PTBP2: variants seen among roughly 807,000 people sequenced by gnomAD.
PTBP2 encodes polypyrimidine tract binding protein 2.
A neutral mutation model predicts 61.4 loss-of-function variants in PTBP2; 13 were observed. The observed-to-expected ratio is 0.21, with a 90% CI of 0.14 to 0.34. The LOEUF is 0.34. Among genes scored for constraint, PTBP2 ranks in the 10% least tolerant of loss-of-function variants. The pLI, the probability that PTBP2 is intolerant of heterozygous loss-of-function variation, is 1.00. For synonymous variants in PTBP2, 215 were observed against 218.5 expected, an observed-to-expected ratio of 0.98 and a Z score of 0.14; for missense variants, 405 against 642.6, an observed-to-expected ratio of 0.63 and a Z score of 4.00.
chr1:96,799,452 C>T (rs1021338276), intron 8 of PTBP2, among the ~76,000 whole-genome samples: 3 of 152,010 alleles, frequency 2.0e-5, no homozygotes, highest in Admixed American at 6.5e-5. Context: ...CCTGCCACCA[C>T]GCCCAGCTAA....
rs878866580 is a variant in PTBP2 at position 96,777,477 on chromosome 1, G to A, written c.433-108G>A. The A allele has an allele frequency of 4.3e-6, 4 of 939,066 alleles. No individual in the cohort carries two copies. The South Asian group carries it at 1.1e-4, about 26-fold the overall frequency. 58.2% of individuals were successfully genotyped at this position (939,066 alleles called of 1,614,324 possible). Reference sequence around the variant, plus strand: ...ATCTGTTGAGGGGCCATTTAATTTTGTTTAATCTGTGTAAGTTCTAGGAAC... The same window carrying A: ...ATCTGTTGAGGGGCCATTTAATTTTATTTAATCTGTGTAAGTTCTAGGAAC... On this transcript the variant is annotated intron_variant, in intron 5 of 13. Coordinates refer to ENST00000674951, the MANE Select transcript of PTBP2 (RefSeq NM_021190.4).
At chr1:96,733,130 C>T (rs1398757927) in intron 2 of PTBP2, among the ~76,000 whole-genome samples, 1 of 151,266 alleles carries the variant, frequency 6.6e-6, no homozygotes, top group Non-Finnish European at 1.5e-5. Context: ...AAGGTGTTAG[C>T]AGGGCTGTGT....
Position 96,795,803 on chromosome 1 carries a change from G to C in PTBP2, c.905-8997G>C, listed in dbSNP as rs536078910. ...ATCAGAAGTAAAGCAGGACCCAGTG[G>C]GGGGAGTGTTTGCAGTGAGGCAGTA... On this transcript the variant is annotated intron_variant, in intron 8 of 13. Coordinates refer to ENST00000674951, the MANE Select transcript of PTBP2 (RefSeq NM_021190.4). Among the ~76,000 whole-genome samples, 30 of 152,260 alleles carry C rather than the reference G, an allele frequency of 2.0e-4. No homozygotes were observed. In the East Asian group the frequency reaches 4.3e-3, roughly 22 times the overall value.
chr1:96,791,837 T>TTTTTTTTGTTTTTTTTTG (rs1557759265), intron 8 of PTBP2, among the ~76,000 whole-genome samples: 2 of 136,902 alleles, frequency 1.5e-5, no homozygotes, highest in African/African-American at 5.7e-5. Context: ...TTTTTTTTTT[T>TTTTTTTTGTTTTTTTTTG]TTTTTTTTTT....
intron 7 of PTBP2, among the ~76,000 whole-genome samples, chr1:96,782,119 CTT>C (rs2101060958): frequency 6.6e-6 from 1 of 151,900 alleles, no homozygotes; most frequent in South Asian, 2.1e-4. Flanking sequence ...GGAAATGGTT[CTT>C]TTTGGTTTTT....
chr1:96,781,669 G>A lies in PTBP2; in HGVS notation c.709-3390G>A, dbSNP rs139466360. Reference sequence around the variant, plus strand: ...CTAGATTAGATCCCTTCCTTTCTTAGTTCTCAGTATCACACATAAAATTTA... The same window carrying A: ...CTAGATTAGATCCCTTCCTTTCTTAATTCTCAGTATCACACATAAAATTTA... On this transcript the variant is annotated intron_variant, in intron 7 of 13. Coordinates refer to ENST00000674951, the MANE Select transcript of PTBP2 (RefSeq NM_021190.4). Among the ~76,000 whole-genome samples the A allele has an allele frequency of 5.5e-3, 831 of 151,754 alleles. 5 individuals are homozygous for A. The highest frequency in any genetic ancestry group is 9.6e-3 in the Non-Finnish European group (649 of 67,844).
chr1:96,809,267 A>G (rs1286855197), intron 11 of PTBP2, among the ~76,000 whole-genome samples: 1 of 152,194 alleles, frequency 6.6e-6, no homozygotes, highest in African/African-American at 2.4e-5. Flanking sequence ...ATACAATACA[A>G]TTACCTTAAC....
intron 8 of PTBP2, 144 bp downstream of exon 8, chr1:96,785,398 A>G (rs186780565): frequency 7.0e-6 from 4 of 570,628 alleles, no homozygotes; most frequent in East Asian, 6.8e-5. Context: ...GAGAAGGCAT[A>G]TGAATACTGT....
chr1:96,722,004 C>G, intron 1 of PTBP2, 132 bp downstream of exon 1: 1 of 1,161,298 alleles, frequency 8.6e-7, no homozygotes. Context: ...AACCCCCGCC[C>G]CATCGCACAC....
At chr1:96,806,809 G>T in intron 10 of PTBP2, 57 bp from the exon 11 acceptor site, 1 of 1,268,618 alleles carries the variant, frequency 7.9e-7, no homozygotes, top group South Asian at 1.2e-5. Flanking sequence ...ATCTTTAGGT[G>T]ACTTCCACAT....
chr1:96,735,587 T>C (rs1200496562), intron 2 of PTBP2, among the ~76,000 whole-genome samples: 3 of 152,172 alleles, frequency 2.0e-5, no homozygotes, highest in East Asian at 1.9e-4. Context: ...GGAACACTTT[T>C]ATGGAAATCA....
At chr1:96,784,852 G>T in intron 7 of PTBP2, 1 of 455,622 alleles carries the variant, frequency 2.2e-6, no homozygotes, top group Non-Finnish European at 3.8e-6. Flanking sequence ...GGTTGAAGTA[G>T]CATTTTCTAT....
At chr1:96,791,028 C>T (rs1481066329) in intron 8 of PTBP2, among the ~76,000 whole-genome samples, 1 of 149,214 alleles carries the variant, frequency 6.7e-6, no homozygotes, top group African/African-American at 2.5e-5. Flanking sequence ...AAAAAAAAAA[C>T]CATCCAGGTA....
At chr1:96,769,656 A>C in intron 3 of PTBP2, 47 bp from the exon 4 acceptor site, 1 of 1,287,298 alleles carries the variant, frequency 7.8e-7, no homozygotes, top group South Asian at 2.3e-5. Flanking sequence ...AAATTCATAC[A>C]TTCTTTTATT....
chr1:96,802,206 G>A (rs570228021), intron 8 of PTBP2, among the ~76,000 whole-genome samples: 6 of 90,374 alleles, frequency 6.6e-5, no homozygotes, highest in Non-Finnish European at 9.7e-5. Flanking sequence ...GCGAGACTCC[G>A]TCTCGAAAAA....
At chr1:96,735,647 G>A (rs966364990) in intron 2 of PTBP2, among the ~76,000 whole-genome samples, 15 of 152,242 alleles carry the variant, frequency 9.9e-5, no homozygotes, top group African/African-American at 2.6e-4. Context: ...GTTAAAAATA[G>A]CCTCAGACAG....
At chr1:96,783,998 C>T (rs116019468) in intron 7 of PTBP2, among the ~76,000 whole-genome samples, 8,243 of 152,026 alleles carry the variant, frequency 0.054, 332 homozygotes, top group Middle Eastern at 0.082. Context: ...TAAAAAAATT[C>T]GTATATTAAG....
At chr1:96,742,618 T>G (rs144265554) in intron 2 of PTBP2, among the ~76,000 whole-genome samples, 1 of 151,844 alleles carries the variant, frequency 6.6e-6, no homozygotes, top group Non-Finnish European at 1.5e-5. Flanking sequence ...TTATTTTCTT[T>G]TAAAATGCAT....
intron 8 of PTBP2, among the ~76,000 whole-genome samples, chr1:96,789,558 G>A (rs186853685): frequency 8.7e-4 from 132 of 152,056 alleles, no homozygotes; most frequent in Non-Finnish European, 1.6e-3. Context: ...AGTTCTCCTG[G>A]CACAATTTTA....
Sources: allele counts gnomAD v4.1 joint callset (sites outside exome capture counted in the v4.1 genomes callset), GRCh38; gene constraint gnomAD v4.1.1; transcripts MANE v1.5; gene names NCBI Gene and HGNC (gene_info 2026-07-23, HGNC 2026-07-21).